The following CTNND2 variants were observed in gnomAD, a reference collection of about 807,000 sequenced individuals.
CTNND2 encodes the protein catenin delta 2.
CTNND2 carries 22 observed loss-of-function variants against 144.4 expected under a neutral mutation model. The ratio of observed to expected loss-of-function variants is 0.15; its 90% confidence interval spans 0.11 to 0.22. The LOEUF is 0.22. CTNND2 is among the 10% of genes least tolerant of loss of function. The probability of loss-of-function intolerance (pLI) is 1.00; values close to 1 mark genes in which losing one functional copy is unlikely to be tolerated. For missense variants in CTNND2, 1,353 were observed against 1,618.8 expected (o/e 0.84, Z 2.82); for synonymous variants, 751 against 695.6 (o/e 1.08, Z -1.25).
intron 3 of CTNND2, among the ~76,000 whole-genome samples, chr5:11,440,528 G>T (rs1394766933): frequency 2.0e-5 from 3 of 152,166 alleles, no homozygotes; most frequent in Non-Finnish European, 2.9e-5. Context: ...TGATTATTGG[G>T]TAAGAATAGA....
chr5:11,395,936 G>A (rs1202644791), intron 6 of CTNND2, among the ~76,000 whole-genome samples: 1 of 152,182 alleles, frequency 6.6e-6, no homozygotes, highest in Non-Finnish European at 1.5e-5. Flanking sequence ...CCTGCCAGGT[G>A]CTCCTGATAC....
rs1216433515 is a variant in CTNND2 at position 11,641,593 on chromosome 5, CGT to C, written c.175-76539_175-76538del. Among the ~76,000 whole-genome samples the C allele has an allele frequency of 1.8e-3, 241 of 135,018 alleles. 1 individual carries two copies. Among genetic ancestry groups the C allele is most frequent in the African/African-American group, 7.3e-3 (215 of 29,588 alleles). The allele number at this position is 135,018 out of a possible 152,430, so 88.6% of individuals were successfully genotyped here. On this transcript the variant is annotated intron_variant, in intron 2 of 21. Coordinates refer to ENST00000304623, the MANE Select transcript of CTNND2 (RefSeq NM_001332.4). Reference sequence around the variant, plus strand: ...ATACGTGTGTATGTATATACATATACGTGTGTGTATATACATATACGTGTGTG... The same window carrying C: ...ATACGTGTGTATGTATATACATATACGTGTGTATATACATATACGTGTGTG...
intron 3 of CTNND2, among the ~76,000 whole-genome samples, chr5:11,547,607 T>C (rs747755658): frequency 6.6e-6 from 1 of 152,176 alleles, no homozygotes; most frequent in Non-Finnish European, 1.5e-5. Flanking sequence ...GCTGAAGACA[T>C]GATTAGGCAT....
chr5:11,346,596 G>A lies in CTNND2; in HGVS notation c.1404C>T (p.Pro468=). The A allele has an allele frequency of 6.4e-7, 1 of 1,567,980 alleles. No homozygotes were observed. Among genetic ancestry groups the A allele is most frequent in the Non-Finnish European group, 8.6e-7 (1 of 1,156,154 alleles). The change falls in exon 9 of 22, where the codon CCC becomes CCT. Residue 468 remains proline, a synonymous_variant. Coordinates refer to ENST00000304623, the MANE Select transcript of CTNND2 (RefSeq NM_001332.4). ...CGTGCTGGCTGCCTGTGCGCTGCAA[G>A]GGGACGGAGTCGACACCAGGGGAAG... ...APSSPGVDSV[P]LQRTGSQHGP...
chr5:11,147,095 C>T (rs1326112238), intron 12 of CTNND2, among the ~76,000 whole-genome samples: 1 of 152,196 alleles, frequency 6.6e-6, no homozygotes, highest in East Asian at 1.9e-4. Flanking sequence ...TATTCAGGAT[C>T]TACAAGGTGC....
At chr5:11,087,529 T>A (rs1303747260) in intron 15 of CTNND2, among the ~76,000 whole-genome samples, 1 of 152,190 alleles carries the variant, frequency 6.6e-6, no homozygotes, top group African/African-American at 2.4e-5. Context: ...AATGATGGGG[T>A]TACTCTGCAA....
rs578134719 is a variant in CTNND2 at position 11,056,566 on chromosome 5, C to T, written c.2788+26130G>A. Among the ~76,000 whole-genome samples, 4 of 152,290 alleles carry T rather than the reference C, an allele frequency of 2.6e-5. No homozygotes were observed. The East Asian group carries it at 5.8e-4, about 22-fold the overall frequency. On this transcript the variant is annotated intron_variant, in intron 16 of 21. Transcript: ENST00000304623. ...CTCTTGGGCTCAAGCGATCCTTCTG[C>T]CTTAGCCTCCCGAGCAGCTGGGACT...
chr5:11,196,299 T>C (rs1405495245), intron 11 of CTNND2, among the ~76,000 whole-genome samples: 3 of 152,230 alleles, frequency 2.0e-5, no homozygotes, highest in Admixed American at 2.0e-4. Context: ...TTGTTTATAA[T>C]ATATCCTAGT....
intron 2 of CTNND2, among the ~76,000 whole-genome samples, chr5:11,602,623 T>TTC (rs1226113872): frequency 1.3e-5 from 2 of 148,394 alleles, no homozygotes; most frequent in South Asian, 4.2e-4. Flanking sequence ...CAGCTTTGCT[T>TTC]TCTCTCTCTC....
chr5:11,553,243 G>A (rs548234093), intron 3 of CTNND2, among the ~76,000 whole-genome samples: 5 of 152,296 alleles, frequency 3.3e-5, no homozygotes, highest in East Asian at 3.9e-4. Context: ...GGTGGCCTGC[G>A]TGAAAGGGAA....
At chr5:11,584,672 G>A (rs181249450) in intron 2 of CTNND2, among the ~76,000 whole-genome samples, 1 of 152,208 alleles carries the variant, frequency 6.6e-6, no homozygotes, top group Admixed American at 6.5e-5. Flanking sequence ...ATAGAAGCAC[G>A]TAATTTGATT....
intron 1 of CTNND2, among the ~76,000 whole-genome samples, chr5:11,861,026 G>C (rs1795480216): frequency 6.6e-6 from 1 of 152,180 alleles, no homozygotes; most frequent in Non-Finnish European, 1.5e-5. Context: ...TGCTCTTCCT[G>C]TTACTGCCCT....
intron 13 of CTNND2, 104 bp from the exon 14 acceptor site, chr5:11,111,147 T>C: frequency 1.6e-6 from 2 of 1,253,314 alleles, no homozygotes; most frequent in South Asian, 1.6e-5. Flanking sequence ...CATTTCTCTT[T>C]GGAAGTGTTT....
chr5:11,714,765 C>A (rs768037058), intron 2 of CTNND2, among the ~76,000 whole-genome samples: 1 of 151,654 alleles, frequency 6.6e-6, no homozygotes, highest in Non-Finnish European at 1.5e-5. Flanking sequence ...AAAAATTAGC[C>A]GGGCATGGTG....
chr5:11,146,971 T>C (rs2149744922), intron 12 of CTNND2, among the ~76,000 whole-genome samples: 1 of 152,286 alleles, frequency 6.6e-6, no homozygotes, highest in East Asian at 1.9e-4. Flanking sequence ...AGTGAAAAGT[T>C]TCCTTGCTTG....
intron 9 of CTNND2, among the ~76,000 whole-genome samples, chr5:11,339,902 GCTAAGACAGCAGCC>G (rs998395205): frequency 3.3e-5 from 5 of 152,154 alleles, no homozygotes; most frequent in African/African-American, 4.8e-5. Flanking sequence ...GCCCTAATGG[GCTAAGACAGCAGCC>G]CTAAGAAATT....
At chr5:11,073,114 T>G (rs1478673479) in intron 16 of CTNND2, among the ~76,000 whole-genome samples, 1 of 152,238 alleles carries the variant, frequency 6.6e-6, no homozygotes, top group African/African-American at 2.4e-5. Context: ...TTTAAACTCA[T>G]TTCTAATCCA....
At chr5:11,597,654 G>C (rs1018498480) in intron 2 of CTNND2, among the ~76,000 whole-genome samples, 1 of 151,950 alleles carries the variant, frequency 6.6e-6, no homozygotes, top group Non-Finnish European at 1.5e-5. Context: ...GCTTACTGCA[G>C]CCTTAACCTC....
rs576709403 is a variant in CTNND2, at chr5:11,812,305, G to T, written c.38-80033C>A. ...GATGAATTAGAACATTTTTAATTCTGTGAAAATCAGATTTTTGGCATAAGA... is the reference window on the plus strand; with the variant it reads ...GATGAATTAGAACATTTTTAATTCTTTGAAAATCAGATTTTTGGCATAAGA... On this transcript the variant is annotated intron_variant, in intron 1 of 21. Transcript: ENST00000304623. 9.1e-4 allele frequency among the ~76,000 whole-genome samples: 139 copies of T among 152,256 alleles called. 2 individuals carry two copies. The highest frequency in any genetic ancestry group is 3.2e-3 in the African/African-American group (134 of 41,552).
Sources: gnomAD v4.1 joint callset for allele counts (sites outside exome capture counted in the v4.1 genomes callset) on GRCh38, gnomAD v4.1.1 for gene constraint, MANE v1.5 for transcripts, NCBI Gene and HGNC (gene_info 2026-07-23, HGNC 2026-07-21) for gene names.